Variants in IFITM10 observed in about 807,000 individuals in gnomAD.
IFITM10 encodes interferon induced transmembrane protein 10, also known as interferon-induced transmembrane protein 10.
IFITM10 carries 17 observed loss-of-function variants against 19.0 expected under a neutral mutation model. That is an observed-to-expected ratio of 0.90 (90% CI 0.61 to 1.34). The LOEUF (loss-of-function observed/expected upper bound fraction) is 1.34, where lower values mean the gene tolerates loss of function less well. Among genes scored for constraint, IFITM10 ranks in the 40% most tolerant of loss-of-function variants. The pLI, the probability that IFITM10 is intolerant of heterozygous loss-of-function variation, is 0.00. For missense variants in IFITM10, 306 were observed against 319.8 expected (o/e 0.96, Z 0.33); for synonymous variants, 148 against 147.2 (o/e 1.01, Z -0.04).
intron 1 of IFITM10, among the ~76,000 whole-genome samples, chr11:1,749,603 C>T (rs1845695242): frequency 6.6e-6 from 1 of 152,002 alleles, no homozygotes; most frequent in African/African-American, 2.4e-5. Context: ...GGGTCCTGCC[C>T]TTCTGGCCTG....
At chr11:1,749,002 G>C in intron 1 of IFITM10, 5 of 1,040,032 alleles carry the variant, frequency 4.8e-6, no homozygotes, top group Non-Finnish European at 5.9e-6. Context: ...CCCCCCGGAC[G>C]GCGCCTCCTC....
In IFITM10 at chr11:1,735,287, T is replaced by C. The variant is rs569599770; in HGVS notation, c.680A>G (p.Asp227Gly). 1 of 1,551,560 alleles carries C rather than the reference T, an allele frequency of 6.4e-7. No homozygotes were observed. Among genetic ancestry groups the C allele is most frequent in the African/African-American group, 1.4e-5 (1 of 73,106 alleles). Residue 227 changes from aspartate (D) to glycine (G), a missense_variant, in exon 3 of 3, where the codon GAC becomes GGC. Physicochemically the swap from Asp to Gly is moderately conservative, Grantham distance 94. Coordinates refer to ENST00000340134, the MANE Select transcript of IFITM10 (RefSeq NM_001170820.4). ...AGCCGTGCCTGGCGGGCCTTAGTAGTCGGTGAGGGGGTACCGCAGGAAGAT... is the reference window on the plus strand; with the variant it reads ...AGCCGTGCCTGGCGGGCCTTAGTAGCCGGTGAGGGGGTACCGCAGGAAGAT... ...VFIFLRYPLT[D>G]Y
Position 1,736,264 on chromosome 11 carries a change from C to T in IFITM10, c.538-835G>A, listed in dbSNP as rs144458372. Among the ~76,000 whole-genome samples, 767 of 152,282 alleles carry T rather than the reference C, an allele frequency of 5.0e-3. 2 individuals are homozygous for T. Among genetic ancestry groups the T allele is most frequent in the Middle Eastern group, 0.014 (4 of 294 alleles). On this transcript the variant is annotated intron_variant, in intron 2 of 2. Transcript: ENST00000340134. ...AAGAAGGAAGGTGGGCAGATAGATA[C>T]TGGGGCTGACTAATGCCTGGATCCC...
intron 2 of IFITM10, chr11:1,746,405 A>C: frequency 2.7e-6 from 1 of 374,244 alleles, no homozygotes; most frequent in East Asian, 3.6e-5. Flanking sequence ...ATTCACATGC[A>C]CACATAGTTA....
intron 2 of IFITM10, among the ~76,000 whole-genome samples, chr11:1,740,996 C>T (rs1223404851): frequency 6.6e-6 from 1 of 152,138 alleles, no homozygotes; most frequent in Non-Finnish European, 1.5e-5. Flanking sequence ...CCTGCTCCCA[C>T]TTTGCCCTCC....
intron 2 of IFITM10, among the ~76,000 whole-genome samples, chr11:1,743,210 G>C (rs1335312613): frequency 6.6e-6 from 1 of 151,410 alleles, no homozygotes; most frequent in African/African-American, 2.4e-5. Flanking sequence ...TGGATGGATG[G>C]ACAGATGAAG....
In IFITM10 at chr11:1,734,753, C is replaced by G. The variant is rs190844648; in HGVS notation, c.*527G>C. 1 of 153,514 alleles carries G rather than the reference C, an allele frequency of 6.5e-6. No homozygotes were observed. Among genetic ancestry groups the G allele is most frequent in the Non-Finnish European group, 1.4e-5 (1 of 68,982 alleles). The allele number at this position is 153,514 out of a possible 1,614,324, so 9.5% of individuals were successfully genotyped here. A position where few individuals can be genotyped will look rare whatever the true frequency, so the allele number is the denominator to read the frequency against. ...TTCCTGAGGGAGGATTGCAAAGCCT[C>G]CAGACTTCTCCAGGCCCTGCCAGGG... is the stretch of plus-strand genomic sequence containing the variant. On this transcript the variant is annotated 3_prime_UTR_variant, in exon 3 of 3. Transcript: ENST00000340134.
At chr11:1,743,833 A>G (rs1259466446) in intron 2 of IFITM10, among the ~76,000 whole-genome samples, 1 of 151,302 alleles carries the variant, frequency 6.6e-6, no homozygotes, top group Admixed American at 6.6e-5. Context: ...CTTCCCCTAC[A>G]CTGGTTGCAG....
At chr11:1,746,215 G>A (rs952001000) in intron 2 of IFITM10, 4 of 191,224 alleles carry the variant, frequency 2.1e-5, no homozygotes, top group Admixed American at 1.3e-4. Context: ...ATGCACACAC[G>A]CCCTCACACA....
chr11:1,735,569 T>C (rs1391539234), intron 2 of IFITM10, 140 bp from the exon 3 acceptor site: 1 of 798,728 alleles, frequency 1.3e-6, no homozygotes, highest in Admixed American at 2.9e-5. Context: ...GAATGAACGA[T>C]GGTTCTAGAG....
Position 1,732,560 on chromosome 11 carries a change from C to T in IFITM10, c.*2720G>A, listed in dbSNP as rs937838198. On this transcript the variant is annotated 3_prime_UTR_variant, in exon 3 of 3. Coordinates refer to ENST00000340134, the MANE Select transcript of IFITM10 (RefSeq NM_001170820.4). ...ACAGGCAAAGACACAGACTTCGAAG[C>T]CAGAGACCAGCGCCGGAGCTGATGC... 1 of 152,338 alleles carries T rather than the reference C, an allele frequency of 6.6e-6. No homozygotes were observed. The highest frequency in any genetic ancestry group is 1.5e-5 in the Non-Finnish European group (1 of 68,144). 9.4% of individuals were successfully genotyped at this position (152,338 alleles called of 1,614,324 possible).
At chr11:1,748,234 C>T (rs1378177694) in intron 1 of IFITM10, 115 bp from the exon 2 acceptor site, 3 of 825,626 alleles carry the variant, frequency 3.6e-6, no homozygotes, top group Non-Finnish European at 4.9e-6. Context: ...GCGGGGGCCG[C>T]CAGCTGCCAG....
chr11:1,742,585 A>C (rs1845582364), intron 2 of IFITM10, among the ~76,000 whole-genome samples: 1 of 152,152 alleles, frequency 6.6e-6, no homozygotes, highest in African/African-American at 2.4e-5. Flanking sequence ...TGAAGGGTGA[A>C]TAGATGTGTT....
chr11:1,748,391 A>C (rs1845677379), intron 1 of IFITM10: 1 of 384,854 alleles, frequency 2.6e-6, no homozygotes, highest in Non-Finnish European at 4.6e-6. Context: ...ACACAACAGC[A>C]CCCCCCGCCC....
chr11:1,748,262 C>G, intron 1 of IFITM10, 143 bp from the exon 2 acceptor site: 1 of 607,642 alleles, frequency 1.6e-6, no homozygotes, highest in Non-Finnish European at 2.4e-6. Flanking sequence ...CCTGCCTCCC[C>G]CACCCGCCCC....
chr11:1,746,328 ACACAGT>A, intron 2 of IFITM10: 1 of 375,732 alleles, frequency 2.7e-6, no homozygotes, highest in Non-Finnish European at 4.7e-6. Flanking sequence ...TCCTGCCTAC[ACACAGT>A]CATACACATG....
chr11:1,750,252 A>G, intron 1 of IFITM10, 107 bp downstream of exon 1: 1 of 1,523,688 alleles, frequency 6.6e-7, no homozygotes, highest in Non-Finnish European at 8.9e-7. Context: ...TCCCCATAAC[A>G]GTCCCCATGA....
At position 1,750,366 on chromosome 11, in the gene IFITM10, TC is replaced by T; in HGVS notation, c.76del (p.Glu26SerfsTer103). On this transcript the variant is annotated frameshift_variant, in exon 1 of 3. Transcript: ENST00000340134. LOFTEE classifies it high-confidence loss of function. ...GTLERVEAQWELEAQGPGQCP... is the reference protein window; with the variant it reads ...GTLERVEAQWXLEAQGPGQCP... ...TGGGTCCTCTTCACCAACCTCCAGC[TC>T]CCACTGAGCCTCGACCCTCTCCAAA... 1 of 1,549,996 alleles carries T rather than the reference TC, an allele frequency of 6.5e-7. No homozygotes were observed. Among genetic ancestry groups the T allele is most frequent in the South Asian group, 1.2e-5 (1 of 84,058 alleles).
At chr11:1,744,204 C>T (rs1467065354) in intron 2 of IFITM10, among the ~76,000 whole-genome samples, 73 of 152,356 alleles carry the variant, frequency 4.8e-4, no homozygotes, top group Non-Finnish European at 2.2e-4. Flanking sequence ...TGTCCACCCA[C>T]CCATTAGACC....
Sources: allele counts gnomAD v4.1 joint callset (sites outside exome capture counted in the v4.1 genomes callset), GRCh38; gene constraint gnomAD v4.1.1; transcripts MANE v1.5; gene names NCBI Gene and HGNC (gene_info 2026-07-23, HGNC 2026-07-21).